Variants in AOPEP observed in about 807,000 individuals in gnomAD.
The protein encoded by AOPEP is aminopeptidase O (putative).
In AOPEP, 77 loss-of-function variants were observed where a neutral mutation model predicts 98.1. The ratio of observed to expected loss-of-function variants is 0.78; its 90% CI spans 0.65 to 0.95. The LOEUF (loss-of-function observed/expected upper bound fraction) is 0.95. Ranked by LOEUF, AOPEP falls within the 40% of genes least tolerant of loss-of-function variation. The pLI is 0.00. For missense variants in AOPEP, 1,024 were observed against 1,024.7 expected (o/e 1.00, Z 0.01); for synonymous variants, 346 against 365.3 (o/e 0.95, Z 0.60).
At chr9:94,813,521 T>TC (rs1851074723) in intron 5 of AOPEP, among the ~76,000 whole-genome samples, 1 of 152,138 alleles carries the variant, frequency 6.6e-6, no homozygotes, top group South Asian at 2.1e-4. Context: ...GTCCTCCCCC[T>TC]CACCAGCCTG....
chr9:95,138,230 T>C, the AOPEP span, among the ~76,000 whole-genome samples: 1 of 152,212 alleles, frequency 6.6e-6, no homozygotes, highest in South Asian at 2.1e-4. Flanking sequence ...TTGGAGTGAG[T>C]ACAGGACCAC....
rs751669401 is a variant in AOPEP, at chr9:94,925,985, G to A, written c.1554+1810G>A. 5.3e-5 allele frequency among the ~76,000 whole-genome samples: 8 copies of A among 152,132 alleles called. No homozygotes were observed. In the East Asian group the frequency reaches 5.8e-4, roughly 11 times the overall value. ...TCCCTTCCTCTTTGTGTTTCCCTCC[G>A]TCTTACACACAGGCATTCAGCAGGG... is the stretch of plus-strand genomic sequence containing the variant. On this transcript the variant is annotated intron_variant, in intron 6 of 16. Transcript: ENST00000375315.
chr9:94,933,558 C>T lies in AOPEP; in HGVS notation c.1661+5027C>T, dbSNP rs2055737352. The T allele has an allele frequency of 8.1e-6, 8 of 985,210 alleles. No homozygotes were observed. In the South Asian group the frequency reaches 2.8e-4, roughly 35 times the overall value. 61.0% of individuals were successfully genotyped at this position (985,210 alleles called of 1,614,324 possible). On this transcript the variant is annotated intron_variant, in intron 7 of 16. Coordinates refer to ENST00000375315, the MANE Select transcript of AOPEP (RefSeq NM_001193329.3). The stretch of plus-strand genomic sequence containing the variant: ...GCTAGATAAATGCGAGCATCTTTCC[C>T]TAACCTTCCTCCTGAATGCCTCATC...
intron 14 of AOPEP, among the ~76,000 whole-genome samples, chr9:95,080,318 G>A (rs543685622): frequency 1.2e-3 from 176 of 152,266 alleles, no homozygotes; most frequent in Non-Finnish European, 2.2e-3. Flanking sequence ...ACGAGGTGAG[G>A]AGATCGAGAC....
chr9:95,082,553 CT>C, intron 15 of AOPEP, 21 bp from the exon 16 acceptor site: 1 of 1,613,294 alleles, frequency 6.2e-7, no homozygotes, highest in East Asian at 2.2e-5. Flanking sequence ...GCCTGATGCC[CT>C]TTGGCCTCTG....
rs561709239 is a variant in AOPEP, at chr9:94,934,171, G to A, written c.1661+5640G>A. Among the ~76,000 whole-genome samples the A allele has an allele frequency of 1.9e-4, 29 of 152,160 alleles. 1 individual carries two copies. The highest frequency in any genetic ancestry group is 1.9e-3 in the Admixed American group (29 of 15,280). Reference sequence around the variant, plus strand: ...AGCTCCAAAACGGAAATGTCCTGGGGCCCCTGCCCAGTGCACCAGCTACCT... The same window carrying A: ...AGCTCCAAAACGGAAATGTCCTGGGACCCCTGCCCAGTGCACCAGCTACCT... On this transcript the variant is annotated intron_variant, in intron 7 of 16. Coordinates refer to ENST00000375315, the MANE Select transcript of AOPEP (RefSeq NM_001193329.3).
chr9:94,907,492 A>G (rs4743972), intron 5 of AOPEP, among the ~76,000 whole-genome samples: 144,845 of 152,186 alleles, frequency 0.95, 68,943 homozygotes, highest in Middle Eastern at 0.99. Context: ...AAGCATCAGG[A>G]CACAGAGTCA....
intron 5 of AOPEP, among the ~76,000 whole-genome samples, chr9:94,879,726 C>A (rs1323619707): frequency 1.3e-5 from 2 of 152,164 alleles, no homozygotes; most frequent in African/African-American, 4.8e-5. Flanking sequence ...TTCAAATGGT[C>A]CATCAGATGG....
intron 13 of AOPEP, among the ~76,000 whole-genome samples, chr9:95,057,259 T>C (rs2066905654): frequency 6.6e-6 from 1 of 152,250 alleles, no homozygotes; most frequent in African/African-American, 2.4e-5. Context: ...ACAGCTGGCC[T>C]TTCAGTCTTA....
intron 10 of AOPEP, among the ~76,000 whole-genome samples, chr9:94,974,253 T>G (rs1189694430): frequency 1.3e-5 from 2 of 152,212 alleles, no homozygotes; most frequent in Non-Finnish European, 2.9e-5. Flanking sequence ...CTCTCATAAT[T>G]TAACATCTTA....
intron 5 of AOPEP, among the ~76,000 whole-genome samples, chr9:94,817,146 C>T (rs1251947600): frequency 7.2e-5 from 11 of 152,120 alleles, no homozygotes; most frequent in Non-Finnish European, 1.2e-4. Context: ...GGACTATAGG[C>T]GTGCACCACC....
At chr9:94,821,662 C>A (rs1319458195) in intron 5 of AOPEP, among the ~76,000 whole-genome samples, 1 of 152,070 alleles carries the variant, frequency 6.6e-6, no homozygotes, top group Non-Finnish European at 1.5e-5. Flanking sequence ...TCCGTATGCC[C>A]CTGACATGTA....
intron 1 of AOPEP, among the ~76,000 whole-genome samples, chr9:94,740,593 T>C (rs1315145660): frequency 6.6e-6 from 1 of 152,204 alleles, no homozygotes; most frequent in Admixed American, 6.5e-5. Context: ...CCCTCGAGTT[T>C]ACTGTCTAGC....
the AOPEP span, chr9:95,100,555 A>G: frequency 5.6e-5 from 13 of 231,464 alleles, no homozygotes; most frequent in Non-Finnish European, 1.0e-4. Flanking sequence ...TGTACAACCA[A>G]TACAATTCCA....
intron 6 of AOPEP, among the ~76,000 whole-genome samples, chr9:94,928,071 G>A (rs548895107): frequency 6.6e-6 from 1 of 152,272 alleles, no homozygotes; most frequent in South Asian, 2.1e-4. Context: ...TCCCCATCCT[G>A]TGCAGAAAGA....
intron 4 of AOPEP, among the ~76,000 whole-genome samples, chr9:94,798,085 G>A (rs1391342056): frequency 6.6e-6 from 1 of 152,124 alleles, no homozygotes; most frequent in Non-Finnish European, 1.5e-5. Context: ...GGAAAAAGAA[G>A]CCCCAGATAC....
chr9:94,982,484 T>C (rs190053255), intron 11 of AOPEP, among the ~76,000 whole-genome samples: 50 of 152,258 alleles, frequency 3.3e-4, no homozygotes, highest in African/African-American at 1.1e-3. Context: ...AATTGGAGTC[T>C]TATCTTCCAA....
intron 16 of AOPEP, among the ~76,000 whole-genome samples, chr9:95,083,640 C>A (rs1451840131): frequency 6.7e-6 from 1 of 148,872 alleles, no homozygotes; most frequent in Admixed American, 6.7e-5. Flanking sequence ...GCACACACAC[C>A]ACACACAGCG....
chr9:95,002,477 T>C (rs966045920), intron 11 of AOPEP, among the ~76,000 whole-genome samples: 1 of 152,190 alleles, frequency 6.6e-6, no homozygotes, highest in Non-Finnish European at 1.5e-5. Context: ...AATTTGACTT[T>C]AGTGAATAAT....
Sources: gnomAD v4.1 joint callset for allele counts (sites outside exome capture counted in the v4.1 genomes callset) on GRCh38, gnomAD v4.1.1 for gene constraint, MANE v1.5 for transcripts, NCBI Gene and HGNC (gene_info 2026-07-23, HGNC 2026-07-21) for gene names.